Variants in ADAM19 observed in about 807,000 individuals in gnomAD.
ADAM19 encodes ADAM metallopeptidase domain 19.
A neutral mutation model predicts 114.7 loss-of-function variants in ADAM19; 65 were observed. The observed-to-expected ratio is 0.57, with a 90% CI of 0.46 to 0.70. The LOEUF (loss-of-function observed/expected upper bound fraction) is 0.70. ADAM19 is among the 30% of genes least tolerant of loss of function. The probability of loss-of-function intolerance (pLI) is 0.00; values close to 1 mark genes in which losing one functional copy is unlikely to be tolerated. For synonymous variants in ADAM19, 466 were observed against 460.5 expected (o/e 1.01, Z -0.15); for missense variants, 1,063 against 1,204.7 (o/e 0.88, Z 1.74).
intron 3 of ADAM19, among the ~76,000 whole-genome samples, chr5:157,555,669 C>G (rs1319561767): frequency 6.6e-6 from 1 of 152,156 alleles, no homozygotes; most frequent in African/African-American, 2.4e-5. Flanking sequence ...CTCACAAACC[C>G]TGTGTGTGTG....
rs933468012 is a variant in ADAM19 at position 157,574,630 on chromosome 5, G to C, written c.94+973C>G. Among the ~76,000 whole-genome samples the C allele has an allele frequency of 3.9e-5, 6 of 152,166 alleles. No individual in the cohort carries two copies. The East Asian group carries it at 1.2e-3, about 29-fold the overall frequency. ...CAGCAGTCTGGAGTCAGCCCAGCCC[G>C]TCTGCAGCGGTGGAGCCAGGGCTAA... On this transcript the variant is annotated intron_variant, in intron 1 of 22. Transcript: ENST00000257527.
At chr5:157,548,225 C>T (rs35415073) in intron 3 of ADAM19, among the ~76,000 whole-genome samples, 8 of 152,266 alleles carry the variant, frequency 5.3e-5, no homozygotes, top group Middle Eastern at 3.4e-3. Context: ...CCCCATGTTC[C>T]TACAGTACCC....
intron 2 of ADAM19, among the ~76,000 whole-genome samples, chr5:157,564,771 A>G (rs1404245266): frequency 3.9e-5 from 6 of 152,196 alleles, no homozygotes; most frequent in African/African-American, 1.4e-4. Context: ...GGATTCAAGC[A>G]CCGGCTCTGA....
chr5:157,502,257 G>C (rs907182718), intron 12 of ADAM19, among the ~76,000 whole-genome samples: 1 of 152,274 alleles, frequency 6.6e-6, no homozygotes, highest in Non-Finnish European at 1.5e-5. Context: ...GGGCTCTGCC[G>C]TGTACCCTCC....
Position 157,478,430 on chromosome 5 carries a change from G to T in ADAM19, c.*2519C>A. Reference sequence around the variant, plus strand: ...GAGACGCTTGCAGATCTTGCCATCGGTCGGTCTGAGCCTTTTCACTATTCC... The same window carrying T: ...GAGACGCTTGCAGATCTTGCCATCGTTCGGTCTGAGCCTTTTCACTATTCC... On this transcript the variant is annotated 3_prime_UTR_variant, in exon 23 of 23. Transcript: ENST00000257527. 1 of 336,994 alleles carries T rather than the reference G, an allele frequency of 3.0e-6. No individual in the cohort carries two copies. Among genetic ancestry groups the T allele is most frequent in the Non-Finnish European group, 4.2e-6 (1 of 237,392 alleles). The allele number at this position is 336,994 out of a possible 1,614,324, so 20.9% of individuals were successfully genotyped here.
chr5:157,539,730 T>A (rs1429028265), intron 3 of ADAM19, among the ~76,000 whole-genome samples: 1 of 151,848 alleles, frequency 6.6e-6, no homozygotes, highest in African/African-American at 2.4e-5. Context: ...CCTTTCTCTT[T>A]CTCCTTAGCA....
chr5:157,487,980 T>C (rs1248182506), intron 21 of ADAM19, among the ~76,000 whole-genome samples: 2 of 152,036 alleles, frequency 1.3e-5, no homozygotes, highest in Non-Finnish European at 2.9e-5. Context: ...CAGACGAGCA[T>C]GGGGGAACTG....
At position 157,507,097 on chromosome 5, in the gene ADAM19, T is replaced by G; in HGVS notation, c.949A>C (p.Met317Leu). 1 of 1,614,016 alleles carries G rather than the reference T, an allele frequency of 6.2e-7. No homozygotes were observed. The highest frequency in any genetic ancestry group is 8.5e-7 in the Non-Finnish European group (1 of 1,179,934). Reference sequence around the variant, plus strand: ...GACTGGTACACAGAGCACATGGCCATGAGGGGGGCCAGGCCGATGGTGGTG... The same window carrying G: ...GACTGGTACACAGAGCACATGGCCAGGAGGGGGGCCAGGCCGATGGTGGTG... ...HGTTIGLAPL[M>L]AMCSVYQSGG... The change falls in exon 10 of 23, where the codon ATG becomes CTG. Residue 317 changes from methionine to leucine, a missense_variant. This residue lies in a region of ADAM19 where 615 missense variants were observed against 706.3 expected (regional missense o/e 0.87). Coordinates refer to ENST00000257527, the MANE Select transcript of ADAM19 (RefSeq NM_033274.5).
chr5:157,495,846 C>T lies in ADAM19; in HGVS notation c.1594+1048G>A, dbSNP rs546462043. On this transcript the variant is annotated intron_variant, in intron 14 of 22. Coordinates refer to ENST00000257527, the MANE Select transcript of ADAM19 (RefSeq NM_033274.5). ...ACAGGGTTTCACCATGTTGGCCAGG[C>T]TGGTCTTGAACTCCTGACCTCAGGT... Among the ~76,000 whole-genome samples, 407 of 151,004 alleles carry T rather than the reference C, an allele frequency of 2.7e-3. 7 individuals are homozygous for T. The highest frequency in any genetic ancestry group is 8.6e-3 in the African/African-American group (354 of 41,118).
At chr5:157,564,302 A>G in intron 3 of ADAM19, 71 bp downstream of exon 3, 5 of 1,435,820 alleles carry the variant, frequency 3.5e-6, no homozygotes, top group Non-Finnish European at 4.9e-6. Context: ...CTTCCAGAAC[A>G]GCGACACCTG....
intron 5 of ADAM19, among the ~76,000 whole-genome samples, chr5:157,524,098 G>T (rs533238436): frequency 3.9e-5 from 6 of 152,260 alleles, no homozygotes; most frequent in South Asian, 2.1e-4. Context: ...TCAGTGGACT[G>T]CAGCTTTGTT....
At chr5:157,552,498 T>C (rs1475016596) in intron 3 of ADAM19, among the ~76,000 whole-genome samples, 3 of 151,438 alleles carry the variant, frequency 2.0e-5, no homozygotes, top group East Asian at 1.9e-4. Context: ...GGCAACAAGG[T>C]GAAACCCCGT....
At chr5:157,533,552 C>T (rs551230284) in intron 4 of ADAM19, among the ~76,000 whole-genome samples, 4 of 152,268 alleles carry the variant, frequency 2.6e-5, no homozygotes, top group East Asian at 3.9e-4. Flanking sequence ...CACAGGATTA[C>T]TCATGGGGAG....
chr5:157,489,057 G>A, intron 20 of ADAM19, 45 bp downstream of exon 20: 4 of 1,494,732 alleles, frequency 2.7e-6, no homozygotes, highest in Non-Finnish European at 3.7e-6. Flanking sequence ...ATGGCCCTGA[G>A]GGATAAAGGA....
chr5:157,568,618 T>C (rs776137909), intron 2 of ADAM19: 4 of 152,138 alleles, frequency 2.6e-5, no homozygotes, highest in Non-Finnish European at 4.4e-5. Context: ...CCATAGGGTA[T>C]TGGAAATCTG....
At chr5:157,491,309 A>G (rs1755145761) in intron 18 of ADAM19, among the ~76,000 whole-genome samples, 1 of 152,206 alleles carries the variant, frequency 6.6e-6, no homozygotes, top group Non-Finnish European at 1.5e-5. Context: ...CCAAAGAGAA[A>G]TAGTCACCGT....
chr5:157,562,264 T>C (rs1757529552), intron 3 of ADAM19, among the ~76,000 whole-genome samples: 1 of 152,216 alleles, frequency 6.6e-6, no homozygotes, highest in Admixed American at 6.5e-5. Context: ...GTCATATTGC[T>C]TGGCTCTGCT....
rs140269723 is a variant in ADAM19, at chr5:157,520,191, T to C, written c.408-160A>G. The stretch of plus-strand genomic sequence containing the variant: ...CATGTACCCCTTCGTGAGACTCTGA[T>C]GCAAGCTCACACTTCCTCTCTAGAG... On this transcript the variant is annotated intron_variant, in intron 5 of 22. Coordinates refer to ENST00000257527, the MANE Select transcript of ADAM19 (RefSeq NM_033274.5). 3.2e-3 allele frequency among the ~76,000 whole-genome samples: 489 copies of C among 152,274 alleles called. 1 individual carries two copies. Among genetic ancestry groups the C allele is most frequent in the African/African-American group, 0.011 (468 of 41,546 alleles).
chr5:157,486,439 C>A (rs1754933741), intron 21 of ADAM19, among the ~76,000 whole-genome samples: 1 of 152,126 alleles, frequency 6.6e-6, no homozygotes, highest in Non-Finnish European at 1.5e-5. Flanking sequence ...GGGTGCCTGC[C>A]ACTGGCTGGG....
Sources: gnomAD v4.1 joint callset for allele counts (sites outside exome capture counted in the v4.1 genomes callset) on GRCh38, gnomAD v4.1.1 for gene constraint, gnomAD v4.1.1 regional missense constraint, MANE v1.5 for transcripts, NCBI Gene and HGNC (gene_info 2026-07-23, HGNC 2026-07-21) for gene names.